The following ATE1 variants were observed in gnomAD, a reference collection of about 807,000 sequenced individuals.
The protein encoded by ATE1 is arginyl-tRNA--protein transferase 1.
ATE1 carries 36 observed loss-of-function variants against 70.5 expected under a neutral mutation model. That is an observed-to-expected ratio of 0.51 (90% CI 0.39 to 0.67). The LOEUF (loss-of-function observed/expected upper bound fraction) is 0.67. Ranked by LOEUF, ATE1 falls within the 30% of genes least tolerant of loss-of-function variation. ATE1 has a pLI of 0.00. For synonymous variants in ATE1, 232 were observed against 219.3 expected (o/e 1.06, Z -0.51); for missense variants, 593 against 629.5 (o/e 0.94, Z 0.62).
intron 10 of ATE1, among the ~76,000 whole-genome samples, chr10:121,825,618 ACCACCT>A (rs1947977357): frequency 1.3e-5 from 2 of 152,154 alleles, no homozygotes; most frequent in South Asian, 4.1e-4. Context: ...AGAGACACAA[ACCACCT>A]CACACCCATT....
At chr10:121,867,744 A>G (rs1045970322) in intron 8 of ATE1, among the ~76,000 whole-genome samples, 3 of 152,158 alleles carry the variant, frequency 2.0e-5, no homozygotes, top group African/African-American at 7.2e-5. Flanking sequence ...CTGCATGTAT[A>G]ATTTTGCATC....
At chr10:121,805,654 A>G (rs1947067157) in intron 10 of ATE1, among the ~76,000 whole-genome samples, 1 of 152,238 alleles carries the variant, frequency 6.6e-6, no homozygotes, top group Admixed American at 6.5e-5. Context: ...TTCAACTGTC[A>G]GCAGCTTTTC....
At chr10:121,793,874 AGAC>A (rs1166498387) in intron 10 of ATE1, among the ~76,000 whole-genome samples, 1 of 152,174 alleles carries the variant, frequency 6.6e-6, no homozygotes, top group African/African-American at 2.4e-5. Context: ...ACAATAATTA[AGAC>A]GGCCACCCTC....
intron 8 of ATE1, among the ~76,000 whole-genome samples, chr10:121,846,955 T>C (rs977423624): frequency 6.6e-6 from 1 of 152,128 alleles, no homozygotes; most frequent in Non-Finnish European, 1.5e-5. Context: ...TAACCTCTTA[T>C]AACTACAACA....
intron 10 of ATE1, among the ~76,000 whole-genome samples, chr10:121,810,854 C>T (rs1014900490): frequency 2.0e-5 from 3 of 151,842 alleles, no homozygotes; most frequent in African/African-American, 7.3e-5. Flanking sequence ...AAGTGCATGC[C>T]AACATGCCCA....
At chr10:121,778,980 T>A (rs916433918) in intron 11 of ATE1, among the ~76,000 whole-genome samples, 11 of 152,094 alleles carry the variant, frequency 7.2e-5, no homozygotes, top group African/African-American at 2.7e-4. Flanking sequence ...TTCACTTTAA[T>A]CCTACATTAG....
intron 8 of ATE1, among the ~76,000 whole-genome samples, chr10:121,851,838 A>G (rs1949067628): frequency 6.6e-6 from 1 of 152,266 alleles, no homozygotes; most frequent in Non-Finnish European, 1.5e-5. Flanking sequence ...ACCTCTACCT[A>G]TACAGAAGAA....
chr10:121,820,766 A>C (rs1256744877), intron 10 of ATE1, among the ~76,000 whole-genome samples: 1 of 152,224 alleles, frequency 6.6e-6, no homozygotes, highest in Non-Finnish European at 1.5e-5. Context: ...AAATAATTTA[A>C]CTAAGTTATT....
At chr10:121,822,539 A>G (rs1172732678) in intron 10 of ATE1, among the ~76,000 whole-genome samples, 1 of 152,212 alleles carries the variant, frequency 6.6e-6, no homozygotes, top group African/African-American at 2.4e-5. Context: ...TCACACCTCA[A>G]TAAGTTTACT....
Position 121,871,697 on chromosome 10 carries a change from A to G in ATE1, c.943-1659T>C, listed in dbSNP as rs143440695. ...AGTATCATTTAGGCCCTAGTTGACA[A>G]TATATTAAAATGTAAACACTTCAGT... On this transcript the variant is annotated intron_variant, in intron 7 of 11. Transcript: ENST00000224652. 7.1e-3 allele frequency among the ~76,000 whole-genome samples: 1,076 copies of G among 152,268 alleles called. 25 individuals carry two copies. The highest frequency in any genetic ancestry group is 0.024 in the African/African-American group (1,018 of 41,558).
At chr10:121,842,689 T>C (rs1948675102) in intron 8 of ATE1, among the ~76,000 whole-genome samples, 1 of 152,144 alleles carries the variant, frequency 6.6e-6, no homozygotes, top group Non-Finnish European at 1.5e-5. Context: ...AGCAGCTTTT[T>C]AAAAGGCAAT....
intron 7 of ATE1, among the ~76,000 whole-genome samples, chr10:121,892,499 CTTTTTTTT>C (rs34400277): frequency 1.6e-5 from 2 of 125,586 alleles, no homozygotes; most frequent in African/African-American, 2.9e-5. Context: ...GGTGACAAAA[CTTTTTTTT>C]TTTTTTTTTT....
intron 8 of ATE1, among the ~76,000 whole-genome samples, chr10:121,869,188 T>C (rs1314606087): frequency 1.3e-5 from 2 of 152,188 alleles, no homozygotes; most frequent in Non-Finnish European, 2.9e-5. Flanking sequence ...AATTATTATT[T>C]GCATCTAAAA....
intron 8 of ATE1, among the ~76,000 whole-genome samples, chr10:121,866,946 G>A (rs750960075): frequency 5.3e-5 from 8 of 151,760 alleles, no homozygotes; most frequent in African/African-American, 1.7e-4. Flanking sequence ...GAGAGCATCC[G>A]AAGATTACAA....
chr10:121,751,994 C>G (rs565379465), intron 11 of ATE1, among the ~76,000 whole-genome samples: 4 of 151,588 alleles, frequency 2.6e-5, no homozygotes, highest in Non-Finnish European at 4.4e-5. Context: ...GAAATCGAGA[C>G]CATCCTGGCT....
chr10:121,798,572 T>C (rs185149826), intron 10 of ATE1, among the ~76,000 whole-genome samples: 21 of 152,292 alleles, frequency 1.4e-4, no homozygotes, highest in African/African-American at 3.9e-4. Context: ...ATTCTGCACA[T>C]TGTCTGAGTT....
intron 11 of ATE1, among the ~76,000 whole-genome samples, chr10:121,786,596 G>C (rs1397074525): frequency 6.6e-6 from 1 of 151,584 alleles, no homozygotes; most frequent in African/African-American, 2.4e-5. Flanking sequence ...TTGAGCCCTG[G>C]AGGCAGAGGC....
At chr10:121,904,640 C>CAAAAAAAAAA (rs778557337) in intron 5 of ATE1, among the ~76,000 whole-genome samples, 1 of 46,490 alleles carries the variant, frequency 2.2e-5, no homozygotes, top group Non-Finnish European at 4.5e-5. Context: ...GACTCCGTCT[C>CAAAAAAAAAA]AAAAAAAAAA....
chr10:121,753,724 T>C (rs1359004623), intron 11 of ATE1, among the ~76,000 whole-genome samples: 4 of 152,246 alleles, frequency 2.6e-5, no homozygotes, highest in African/African-American at 4.8e-5. Flanking sequence ...ATACTCATCT[T>C]AGACACTTCC....
Sources: gnomAD v4.1 joint callset for allele counts (sites outside exome capture counted in the v4.1 genomes callset) on GRCh38, gnomAD v4.1.1 for gene constraint, MANE v1.5 for transcripts, NCBI Gene and HGNC (gene_info 2026-07-23, HGNC 2026-07-21) for gene names.